CHD1L: variants seen among roughly 807,000 people sequenced by gnomAD.
CHD1L encodes the protein chromodomain helicase DNA binding protein 1 like.
Under a neutral mutation model 115.9 loss-of-function variants are expected in CHD1L, and 118 were observed. That is an observed-to-expected ratio of 1.02 (90% CI 0.88 to 1.19). The LOEUF is 1.19. CHD1L is among the 50% of genes most tolerant of loss of function. CHD1L has a pLI of 0.00. For missense variants in CHD1L, 1,179 were observed against 1,065.3 expected (o/e 1.11, Z -1.49); for synonymous variants, 411 against 387.1 (o/e 1.06, Z -0.72).
chr1:147,189,960 A>G, the CHD1L span, among the ~76,000 whole-genome samples: 1 of 152,090 alleles, frequency 6.6e-6, no homozygotes, highest in African/African-American at 2.4e-5. Flanking sequence ...TAAACATATG[A>G]TTTTAGACAC....
chr1:147,262,195 CAAAAAAAAA>C (rs11346769), intron 6 of CHD1L, among the ~76,000 whole-genome samples: 1 of 126,104 alleles, frequency 7.9e-6, no homozygotes, highest in Non-Finnish European at 1.6e-5. Context: ...GACTCTGTCT[CAAAAAAAAA>C]AAAAAAAATA....
At chr1:147,202,380 CAT>C in the CHD1L span, among the ~76,000 whole-genome samples, 1 of 123,262 alleles carries the variant, frequency 8.1e-6, no homozygotes, top group Non-Finnish European at 1.6e-5. Context: ...AGTGCAGTGG[CAT>C]GATCTTGGCT....
rs782550003 is a variant in CHD1L at position 147,287,722 on chromosome 1, G to A, written c.2309G>A (p.Gly770Glu). The A allele has an allele frequency of 6.2e-7, 1 of 1,613,838 alleles. No individual in the cohort carries two copies. ...CCAAGAAAAATATATGAGCTGGCTG[G>A]GAAAATGAAAGGTAAGAAGCAAAGC... ...AEPRKIYELA[G>E]KMKDLSLGGV... The change falls in exon 19 of 23, where the codon GGG becomes GAG. Residue 770 changes from glycine (G) to glutamate (E), a missense_variant. Gly to Glu is a moderately conservative substitution (Grantham distance 98, BLOSUM62 -2). Transcript: ENST00000369258.
At chr1:147,284,139 T>TC (rs1317958300) in intron 15 of CHD1L, among the ~76,000 whole-genome samples, 2 of 152,264 alleles carry the variant, frequency 1.3e-5, no homozygotes, top group East Asian at 3.9e-4. Context: ...AGCCATGCTC[T>TC]CCCCTTGGAA....
intron 9 of CHD1L, 110 bp downstream of exon 9, chr1:147,267,628 T>G (rs1674469482): frequency 1.3e-6 from 1 of 775,376 alleles, no homozygotes; most frequent in African/African-American, 1.8e-5. Flanking sequence ...CTACTTTGTT[T>G]ATTCTCAATT....
the CHD1L span, chr1:147,208,987 G>C: frequency 1.9e-6 from 3 of 1,613,998 alleles, no homozygotes; most frequent in Non-Finnish European, 2.5e-6. Flanking sequence ...CAACACATCA[G>C]CAGGATATCC....
chr1:147,285,269 G>A (rs587694241), intron 16 of CHD1L, 55 bp from the exon 17 acceptor site: 2 of 1,569,854 alleles, frequency 1.3e-6, no homozygotes, highest in East Asian at 2.2e-5. Flanking sequence ...TAGGGATAAT[G>A]AAATTCGGGG....
chr1:147,254,258 C>T (rs1444567078), intron 2 of CHD1L, among the ~76,000 whole-genome samples: 1 of 152,156 alleles, frequency 6.6e-6, no homozygotes, highest in East Asian at 1.9e-4. Flanking sequence ...TCTGTTTTCC[C>T]CGTTAGAATG....
At chr1:147,179,001 A>T in the CHD1L span, 1 of 1,613,992 alleles carries the variant, frequency 6.2e-7, no homozygotes, top group Admixed American at 1.7e-5. Flanking sequence ...CTGGGCACAA[A>T]CTCAACTTTG....
At chr1:147,193,339 T>C in the CHD1L span, among the ~76,000 whole-genome samples, 1,458 of 152,308 alleles carry the variant, frequency 9.6e-3, 27 homozygotes, top group African/African-American at 0.033. Flanking sequence ...TGTATTTCTG[T>C]GGGATCGGTG....
intron 20 of CHD1L, among the ~76,000 whole-genome samples, chr1:147,292,014 A>G (rs1008761889): frequency 6.6e-6 from 1 of 152,140 alleles, no homozygotes; most frequent in Non-Finnish European, 1.5e-5. Flanking sequence ...AGTTCAGCCT[A>G]TAACAAGCAG....
intron 14 of CHD1L, 71 bp from the exon 15 acceptor site, chr1:147,279,955 A>G: frequency 6.6e-7 from 1 of 1,525,784 alleles, no homozygotes. Flanking sequence ...TAATCCACTT[A>G]GCCAATCACT....
chr1:147,266,722 A>C (rs782557536), intron 8 of CHD1L, among the ~76,000 whole-genome samples: 2 of 152,218 alleles, frequency 1.3e-5, no homozygotes, highest in African/African-American at 4.8e-5. Flanking sequence ...TATTCTAAAG[A>C]AGCCATAAAG....
chr1:147,178,419 C>T, the CHD1L span: 1 of 1,611,288 alleles, frequency 6.2e-7, no homozygotes, highest in South Asian at 1.1e-5. Flanking sequence ...GATATCCAAC[C>T]CTGAATATGT....
chr1:147,256,022 C>T (rs1408532489), intron 4 of CHD1L, 95 bp downstream of exon 4: 6 of 767,458 alleles, frequency 7.8e-6, no homozygotes, highest in Non-Finnish European at 1.0e-5. Context: ...GTTGAGAGCA[C>T]ACACTTTTCT....
chr1:147,268,197 C>T (rs142848994), intron 9 of CHD1L, among the ~76,000 whole-genome samples: 49 of 152,276 alleles, frequency 3.2e-4, no homozygotes, highest in African/African-American at 1.1e-3. Context: ...ACCGCTTTAG[C>T]TGCATCCTAG....
the CHD1L span, chr1:147,215,628 C>T: frequency 1.6e-6 from 1 of 627,598 alleles, no homozygotes; most frequent in East Asian, 3.0e-5. Flanking sequence ...GAGTTTTTGC[C>T]TGGGTAGGAT....
chr1:147,285,515 CCA>C (rs1553964997), intron 17 of CHD1L, 28 bp downstream of exon 17: 5 of 1,596,488 alleles, frequency 3.1e-6, no homozygotes, highest in Non-Finnish European at 4.3e-6. Context: ...AAGCTGGCGG[CCA>C]CAGTTGAAGG....
At chr1:147,178,507 G>A in the CHD1L span, 1 of 1,611,744 alleles carries the variant, frequency 6.2e-7, no homozygotes, top group African/African-American at 1.3e-5. Context: ...GAAGAAGCAG[G>A]CAGGCCCAGC....
Sources: gnomAD v4.1 joint callset for allele counts (sites outside exome capture counted in the v4.1 genomes callset) on GRCh38, gnomAD v4.1.1 for gene constraint, MANE v1.5 for transcripts, NCBI Gene and HGNC (gene_info 2026-07-23, HGNC 2026-07-21) for gene names.